Variants in RBFOX1 observed in about 807,000 individuals in gnomAD.
The protein encoded by RBFOX1 is RNA binding protein fox-1 homolog 1.
Under a neutral mutation model 57.7 loss-of-function variants are expected in RBFOX1, and 8 were observed. The ratio of observed to expected loss-of-function variants is 0.14; its 90% CI spans 0.08 to 0.25. RBFOX1 has a LOEUF of 0.25. Ranked by LOEUF, RBFOX1 falls within the 10% of genes least tolerant of loss-of-function variation. RBFOX1 has a pLI of 1.00. For synonymous variants in RBFOX1, 326 were observed against 222.4 expected (o/e 1.47, Z -4.15); for missense variants, 611 against 548.5 (o/e 1.11, Z -1.14).
intron 4 of RBFOX1, among the ~76,000 whole-genome samples, chr16:7,110,683 G>A (rs1463347384): frequency 2.0e-5 from 3 of 152,094 alleles, no homozygotes; most frequent in Non-Finnish European, 2.9e-5. Context: ...AGTTAAATGA[G>A]GCAGGAGTCA....
intron 1 of RBFOX1, among the ~76,000 whole-genome samples, chr16:5,290,678 A>G (rs1315708589): frequency 1.3e-5 from 2 of 150,542 alleles, no homozygotes; most frequent in Admixed American, 1.3e-4. Flanking sequence ...TGAGGTTGAT[A>G]GGCATAGAGC....
At chr16:6,142,510 C>T (rs1232423715) in intron 1 of RBFOX1, among the ~76,000 whole-genome samples, 2 of 152,002 alleles carry the variant, frequency 1.3e-5, no homozygotes, top group Non-Finnish European at 2.9e-5. Flanking sequence ...CGTGAGCCAC[C>T]ATGCCTGGCC....
intron 3 of RBFOX1, among the ~76,000 whole-genome samples, chr16:6,779,210 CTG>C (rs1201083848): frequency 6.6e-5 from 10 of 152,034 alleles, no homozygotes. Flanking sequence ...TTATTCTACT[CTG>C]TATCTCCATG....
intron 3 of RBFOX1, among the ~76,000 whole-genome samples, chr16:6,797,097 C>A (rs12921971): frequency 6.6e-6 from 1 of 152,060 alleles, no homozygotes; most frequent in African/African-American, 2.4e-5. Flanking sequence ...CACATCGATC[C>A]TCCCACAGGT....
chr16:7,052,287 A>C (rs556164286), intron 4 of RBFOX1, among the ~76,000 whole-genome samples, 189 bp downstream of exon 4: 1 of 152,328 alleles, frequency 6.6e-6, no homozygotes, highest in South Asian at 2.1e-4. Context: ...CTTCTTTGGA[A>C]GTGCCGTTAT....
chr16:6,650,553 T>G (rs895053457), intron 2 of RBFOX1, among the ~76,000 whole-genome samples: 2 of 152,178 alleles, frequency 1.3e-5, no homozygotes, highest in African/African-American at 4.8e-5. Flanking sequence ...TGTTGGTAAT[T>G]TAGAGACAGT....
intron 1 of RBFOX1, among the ~76,000 whole-genome samples, chr16:6,209,011 A>G (rs2097274233): frequency 6.6e-6 from 1 of 151,890 alleles, no homozygotes; most frequent in Non-Finnish European, 1.5e-5. Flanking sequence ...TTTGTCCTGT[A>G]TCTTACAACC....
intron 4 of RBFOX1, among the ~76,000 whole-genome samples, chr16:7,449,987 G>C (rs1043282333): frequency 1.3e-5 from 2 of 152,064 alleles, no homozygotes; most frequent in East Asian, 3.9e-4. Flanking sequence ...GGAGGGAGAA[G>C]GGCACTCCGG....
intron 4 of RBFOX1, among the ~76,000 whole-genome samples, chr16:7,231,159 C>A (rs917441598): frequency 4.6e-5 from 7 of 152,088 alleles, no homozygotes. Flanking sequence ...GACAAGAGAC[C>A]ACTATAGCTT....
intron 3 of RBFOX1, among the ~76,000 whole-genome samples, chr16:6,878,121 C>G (rs779681728): frequency 3.3e-5 from 5 of 152,060 alleles, no homozygotes; most frequent in Non-Finnish European, 5.9e-5. Flanking sequence ...GCAAGGACTT[C>G]TAAGAGAAGT....
chr16:6,947,880 G>A (rs552700944), intron 3 of RBFOX1, among the ~76,000 whole-genome samples: 59 of 152,090 alleles, frequency 3.9e-4, no homozygotes, highest in African/African-American at 7.5e-4. Context: ...GGGTTCAAGC[G>A]TTTCTCCTGC....
chr16:6,316,243 A>G (rs1203779297), intron 1 of RBFOX1, among the ~76,000 whole-genome samples: 1 of 152,166 alleles, frequency 6.6e-6, no homozygotes, highest in Admixed American at 6.5e-5. Context: ...TTTTTCTGGT[A>G]GGAGATGACC....
chr16:6,711,566 C>T (rs1219947534), intron 3 of RBFOX1, among the ~76,000 whole-genome samples: 2 of 152,206 alleles, frequency 1.3e-5, no homozygotes. Context: ...TGCCCTCACT[C>T]TCTGTCTCTC....
chr16:6,769,051 C>T (rs1567169988), intron 3 of RBFOX1, among the ~76,000 whole-genome samples: 1 of 152,072 alleles, frequency 6.6e-6, no homozygotes, highest in African/African-American at 2.4e-5. Context: ...TTCTGTTTAA[C>T]AGTTGATATT....
intron 5 of RBFOX1, among the ~76,000 whole-genome samples, chr16:7,534,426 A>T (rs1296957236): frequency 2.6e-5 from 4 of 151,960 alleles, no homozygotes; most frequent in African/African-American, 9.7e-5. Context: ...GAGGACACAC[A>T]ATAGAGCCAA....
intron 2 of RBFOX1, among the ~76,000 whole-genome samples, chr16:6,577,826 A>AATAAACC (rs2097464014): frequency 6.6e-6 from 1 of 152,214 alleles, no homozygotes; most frequent in Non-Finnish European, 1.5e-5. Context: ...TCAGGAAAAA[A>AATAAACC]ATAAACCAGA....
chr16:5,409,074 G>T (rs990301880), intron 1 of RBFOX1, among the ~76,000 whole-genome samples: 1 of 152,246 alleles, frequency 6.6e-6, no homozygotes, highest in African/African-American at 2.4e-5. Context: ...TGTGCTAAGT[G>T]TTAAGGTAGG....
At chr16:7,534,968 C>T (rs748468475) in intron 5 of RBFOX1, among the ~76,000 whole-genome samples, 5 of 152,154 alleles carry the variant, frequency 3.3e-5, no homozygotes, top group Non-Finnish European at 7.3e-5. Flanking sequence ...TTGGTAATGA[C>T]ACTGTAGACA....
At chr16:5,559,189 A>T (rs760330477) in intron 2 of RBFOX1, among the ~76,000 whole-genome samples, 3 of 136,678 alleles carry the variant, frequency 2.2e-5, no homozygotes, top group Non-Finnish European at 3.1e-5. Context: ...AAAAAAAAAA[A>T]AGTCAAGTGT....
Sources: allele counts gnomAD v4.1 joint callset (sites outside exome capture counted in the v4.1 genomes callset), GRCh38; gene constraint gnomAD v4.1.1; transcripts MANE v1.5; gene names NCBI Gene and HGNC (gene_info 2026-07-23, HGNC 2026-07-21).